The following ANXA5 variants were observed in gnomAD, a reference collection of about 807,000 sequenced individuals.
The protein encoded by ANXA5 is annexin A5, also known as CBP-I.
ANXA5 carries 40 observed loss-of-function variants against 48.1 expected under a neutral mutation model. The observed-to-expected ratio is 0.83, with a 90% confidence interval of 0.65 to 1.08. The LOEUF is 1.08. Among genes scored for constraint, ANXA5 ranks in the 50% least tolerant of loss-of-function variants. ANXA5 has a pLI of 0.00. For synonymous variants in ANXA5, 113 were observed against 129.1 expected (o/e 0.88, Z 0.85); for missense variants, 357 against 376.8 (o/e 0.95, Z 0.44).
chr4:121,669,840 G>A, intron 11 of ANXA5, 114 bp downstream of exon 11: 1 of 1,456,160 alleles, frequency 6.9e-7, no homozygotes, highest in Non-Finnish European at 9.4e-7. Flanking sequence ...GAACTGGGTT[G>A]AATGTTATAA....
At chr4:121,691,324 CA>C (rs5861533) in intron 2 of ANXA5, among the ~76,000 whole-genome samples, 144,877 of 150,252 alleles carry the variant, frequency 0.96, 70,055 homozygotes, top group East Asian at 1. Flanking sequence ...CTAGGTATGC[CA>C]AAAAAAAAAT....
At chr4:121,690,852 C>A (rs1041080317) in intron 2 of ANXA5, among the ~76,000 whole-genome samples, 1 of 152,156 alleles carries the variant, frequency 6.6e-6, no homozygotes, top group Non-Finnish European at 1.5e-5. Context: ...ACATTCCATA[C>A]AGTCAGAGTC....
intron 8 of ANXA5, among the ~76,000 whole-genome samples, chr4:121,677,125 T>C (rs974010054): frequency 6.6e-6 from 1 of 152,204 alleles, no homozygotes; most frequent in African/African-American, 2.4e-5. Context: ...TATCCATGGG[T>C]TGTTCCACTG....
intron 6 of ANXA5, 182 bp downstream of exon 6, chr4:121,681,489 C>A: frequency 2.0e-6 from 1 of 503,388 alleles, no homozygotes; most frequent in Non-Finnish European, 3.5e-6. Context: ...TAGAGGATAA[C>A]AAGGCAGTCT....
intron 8 of ANXA5, among the ~76,000 whole-genome samples, chr4:121,675,826 G>A (rs909338065): frequency 6.6e-6 from 1 of 152,190 alleles, no homozygotes; most frequent in African/African-American, 2.4e-5. Flanking sequence ...GGTCCCAGGT[G>A]CGCCACATGC....
intron 7 of ANXA5, 42 bp from the exon 8 acceptor site, chr4:121,677,992 T>C (rs1724725794): frequency 2.6e-6 from 4 of 1,537,294 alleles, no homozygotes; most frequent in Admixed American, 3.5e-5. Flanking sequence ...TATAGAGCAT[T>C]CTCATTCAAA....
chr4:121,689,186 C>T (rs1724940383), intron 2 of ANXA5, among the ~76,000 whole-genome samples: 1 of 152,190 alleles, frequency 6.6e-6, no homozygotes, highest in African/African-American at 2.4e-5. Context: ...GATCAAGTTA[C>T]AGCTTCTCTT....
rs555595360 is a variant in ANXA5, at chr4:121,673,539, T to C, written c.532-913A>G. On this transcript the variant is annotated intron_variant, in intron 8 of 12. Transcript: ENST00000296511. ...GAAGTGATAATAACAGGCTTGAATA[T>C]AGAAGTTTTGATCACAGTATATTTA... Among the ~76,000 whole-genome samples the C allele has an allele frequency of 2.6e-5, 4 of 152,334 alleles. No homozygotes were observed. The South Asian group carries it at 8.3e-4, about 32-fold the overall frequency.
At chr4:121,677,020 T>C (rs1376368680) in intron 8 of ANXA5, among the ~76,000 whole-genome samples, 1 of 152,150 alleles carries the variant, frequency 6.6e-6, no homozygotes, top group Non-Finnish European at 1.5e-5. Flanking sequence ...TCTCTCCAGC[T>C]AGACAGAGAT....
intron 2 of ANXA5, among the ~76,000 whole-genome samples, chr4:121,692,234 G>A (rs1017108866): frequency 9.2e-5 from 14 of 152,306 alleles, no homozygotes; most frequent in Middle Eastern, 3.4e-3. Flanking sequence ...TGTTTGCATC[G>A]TGGTAGAAAA....
chr4:121,696,713 C>A, intron 1 of ANXA5, 89 bp from the exon 2 acceptor site: 1 of 912,720 alleles, frequency 1.1e-6, no homozygotes, highest in South Asian at 4.8e-5. Context: ...CGGCGGCGCT[C>A]AGACAGCCCG....
At chr4:121,693,480 C>T (rs1216874507) in intron 2 of ANXA5, among the ~76,000 whole-genome samples, 2 of 152,174 alleles carry the variant, frequency 1.3e-5, no homozygotes, top group Non-Finnish European at 2.9e-5. Context: ...AGGAATGAAT[C>T]TATGCTGTAA....
chr4:121,689,400 T>G (rs1560830227), intron 2 of ANXA5, among the ~76,000 whole-genome samples: 1 of 152,190 alleles, frequency 6.6e-6, no homozygotes, highest in African/African-American at 2.4e-5. Context: ...AAGTTAAGTG[T>G]GAAATGACAG....
intron 7 of ANXA5, 23 bp downstream of exon 7, chr4:121,678,392 T>A (rs1470582506): frequency 3.7e-6 from 6 of 1,601,346 alleles, no homozygotes; most frequent in Non-Finnish European, 5.1e-6. Flanking sequence ...TTAATCAAAC[T>A]GTAATTAATC....
intron 2 of ANXA5, among the ~76,000 whole-genome samples, chr4:121,692,260 A>T (rs150340412): frequency 2.6e-4 from 40 of 152,368 alleles, no homozygotes; most frequent in Admixed American, 4.6e-4. Flanking sequence ...TTTTGATAAC[A>T]AAGTGAAGAT....
At chr4:121,668,839 G>GTCAT (rs1724564572) in intron 12 of ANXA5, among the ~76,000 whole-genome samples, 1 of 151,980 alleles carries the variant, frequency 6.6e-6, no homozygotes, top group Non-Finnish European at 1.5e-5. Context: ...CTGCAGGGCT[G>GTCAT]TCATGGCTCT....
intron 2 of ANXA5, among the ~76,000 whole-genome samples, chr4:121,689,341 C>T (rs62319818): frequency 0.11 from 16,123 of 152,068 alleles, 1,176 homozygotes; most frequent in African/African-American, 0.2. Flanking sequence ...TGAATGTCTC[C>T]CCCGTCCAAA....
intron 7 of ANXA5, 40 bp from the exon 8 acceptor site, chr4:121,677,990 A>C: frequency 6.5e-7 from 1 of 1,538,636 alleles, no homozygotes; most frequent in Non-Finnish European, 9.0e-7. Context: ...ACTATAGAGC[A>C]TTCTCATTCA....
At chr4:121,678,325 A>T in intron 7 of ANXA5, 90 bp downstream of exon 7, 1 of 1,042,116 alleles carries the variant, frequency 9.6e-7, no homozygotes, top group East Asian at 2.6e-5. Flanking sequence ...CAAATTATTA[A>T]AAGAATTTTA....
Sources: gnomAD v4.1 joint callset for allele counts (sites outside exome capture counted in the v4.1 genomes callset) on GRCh38, gnomAD v4.1.1 for gene constraint, MANE v1.5 for transcripts, NCBI Gene and HGNC (gene_info 2026-07-23, HGNC 2026-07-21) for gene names.